The following TSPAN13 variants were observed in gnomAD, a reference collection of about 807,000 sequenced individuals.
TSPAN13 encodes tetraspanin-13.
Under a neutral mutation model 26.9 loss-of-function variants are expected in TSPAN13, and 18 were observed. That is an observed-to-expected ratio of 0.67 (90% CI 0.46 to 0.99). TSPAN13 has a LOEUF of 0.99. Ranked by LOEUF, TSPAN13 falls within the 50% of genes least tolerant of loss-of-function variation. TSPAN13 has a pLI of 0.00. For synonymous variants in TSPAN13, 116 were observed against 98.4 expected, an observed-to-expected ratio of 1.18 and a Z score of -1.06; for missense variants, 201 against 249.6, an observed-to-expected ratio of 0.81 and a Z score of 1.31.
Position 16,776,261 on chromosome 7 carries a change from G to A in TSPAN13, c.114G>A (p.Gly38=), listed in dbSNP as rs1294937856. 2 of 1,613,930 alleles carry A rather than the reference G, an allele frequency of 1.2e-6. No individual in the cohort carries two copies. The highest frequency in any genetic ancestry group is 8.5e-7 in the Non-Finnish European group (1 of 1,179,988). ...TTGCTGCGTGGGGCATTGGCTTCGG[G>A]CTGATTTCCAGTCTCCGAGTGGTCG... The part of the protein sequence containing the change: ...IGIAAWGIGF[G]LISSLRVVGV... Residue 38 remains glycine (G), a synonymous_variant, in exon 2 of 6, where the codon GGG becomes GGA. Coordinates refer to ENST00000262067, the MANE Select transcript of TSPAN13 (RefSeq NM_014399.4).
chr7:16,757,945 T>C (rs919615743), intron 1 of TSPAN13, among the ~76,000 whole-genome samples: 1 of 152,182 alleles, frequency 6.6e-6, no homozygotes, highest in African/African-American at 2.4e-5. Flanking sequence ...GCGATTCTCC[T>C]GCCTCAGCCT....
At chr7:16,782,673 A>G (rs1784826471) in intron 5 of TSPAN13, among the ~76,000 whole-genome samples, 1 of 152,134 alleles carries the variant, frequency 6.6e-6, no homozygotes, top group South Asian at 2.1e-4. Context: ...AACATTTTAA[A>G]TTTCTGTGTT....
chr7:16,760,485 C>T (rs1784531314), intron 1 of TSPAN13, among the ~76,000 whole-genome samples: 1 of 152,118 alleles, frequency 6.6e-6, no homozygotes, highest in African/African-American at 2.4e-5. Context: ...GCAGGTGGAG[C>T]AGACTTTGGG....
chr7:16,776,957 C>T lies in TSPAN13; in HGVS notation c.232-85C>T, dbSNP rs752999721. 463 of 807,134 alleles carry T rather than the reference C, an allele frequency of 5.7e-4. 1 individual carries two copies. The highest frequency in any genetic ancestry group is 6.5e-4 in the Non-Finnish European group (325 of 497,794). The allele number at this position is 807,134 out of a possible 1,614,324, so 50.0% of individuals were successfully genotyped here. A position where few individuals can be genotyped will look rare whatever the true frequency, so the allele number is the denominator to read the frequency against. ...TATTCTGGGTTAATTACTTCTTGTGCATTCTAAAGTTGTCAGTACCTCTGT... is the reference window on the plus strand; with the variant it reads ...TATTCTGGGTTAATTACTTCTTGTGTATTCTAAAGTTGTCAGTACCTCTGT... On this transcript the variant is annotated intron_variant, in intron 2 of 5. Transcript: ENST00000262067.
intron 1 of TSPAN13, 103 bp from the exon 2 acceptor site, chr7:16,776,108 G>T (rs563856498): frequency 9.1e-7 from 1 of 1,096,382 alleles, no homozygotes; most frequent in Non-Finnish European, 1.3e-6. Flanking sequence ...AAGAGACTAC[G>T]TAGGTGCCTG....
chr7:16,766,033 T>C (rs1056967267), intron 1 of TSPAN13, among the ~76,000 whole-genome samples: 2 of 152,238 alleles, frequency 1.3e-5, no homozygotes, highest in African/African-American at 4.8e-5. Context: ...ATTGTTTTAC[T>C]ATTATCTTTA....
At chr7:16,762,771 C>T (rs1276476268) in intron 1 of TSPAN13, among the ~76,000 whole-genome samples, 2 of 152,114 alleles carry the variant, frequency 1.3e-5, no homozygotes, top group African/African-American at 4.8e-5. Context: ...CTTGGCATGC[C>T]ACCAAATTAC....
chr7:16,753,817 G>T lies in TSPAN13; in HGVS notation c.-151G>T. 2 of 709,998 alleles carry T rather than the reference G, an allele frequency of 2.8e-6. No homozygotes were observed. Among genetic ancestry groups the T allele is most frequent in the Non-Finnish European group, 2.2e-6 (1 of 447,656 alleles). The allele number at this position is 709,998 out of a possible 1,614,324, so 44.0% of individuals were successfully genotyped here. A position where few individuals can be genotyped will look rare whatever the true frequency, so the allele number is the denominator to read the frequency against. On this transcript the variant is annotated 5_prime_UTR_variant, in exon 1 of 6. Transcript: ENST00000262067. ...TCCGAGCCGCCGCCGCGCGCGCGCC[G>T]CGCACTGCAGCCCCAGGCCCCGGCC...
chr7:16,781,432 G>A (rs1301648453), intron 5 of TSPAN13, among the ~76,000 whole-genome samples: 1 of 152,200 alleles, frequency 6.6e-6, no homozygotes, highest in Non-Finnish European at 1.5e-5. Context: ...TCTAATCAAA[G>A]TTACCTTTGA....
At chr7:16,769,316 C>A (rs557075938) in intron 1 of TSPAN13, among the ~76,000 whole-genome samples, 1 of 152,294 alleles carries the variant, frequency 6.6e-6, no homozygotes, top group East Asian at 1.9e-4. Context: ...GAACCACTGA[C>A]AGGACTGATT....
At chr7:16,763,937 G>A (rs1213279885) in intron 1 of TSPAN13, among the ~76,000 whole-genome samples, 1 of 152,198 alleles carries the variant, frequency 6.6e-6, no homozygotes, top group Non-Finnish European at 1.5e-5. Context: ...TCATCTGCAA[G>A]TCTTAGTGTA....
chr7:16,776,289 G>A lies in TSPAN13; in HGVS notation c.142G>A (p.Val48Met), dbSNP rs1375270134. Residue 48 changes from valine to methionine, a missense_variant, in exon 2 of 6, where the codon GTG becomes ATG. By Grantham distance (21) the Val-to-Met change is conservative (BLOSUM62 1). Coordinates refer to ENST00000262067, the MANE Select transcript of TSPAN13 (RefSeq NM_014399.4). ...GLISSLRVVG[V>M]VIAVGIFLFL... Reference sequence around the variant, plus strand: ...GATTTCCAGTCTCCGAGTGGTCGGCGTGGTCATTGCAGTGGGCATCTTCTT... The same window carrying A: ...GATTTCCAGTCTCCGAGTGGTCGGCATGGTCATTGCAGTGGGCATCTTCTT... The A allele has an allele frequency of 1.2e-6, 2 of 1,614,120 alleles. No individual in the cohort carries two copies. The highest frequency in any genetic ancestry group is 1.3e-5 in the African/African-American group (1 of 75,016).
At chr7:16,758,701 G>A (rs1159666015) in intron 1 of TSPAN13, among the ~76,000 whole-genome samples, 1 of 151,848 alleles carries the variant, frequency 6.6e-6, no homozygotes, top group African/African-American at 2.4e-5. Context: ...ATATTAAGTA[G>A]GAATTACTTT....
intron 1 of TSPAN13, among the ~76,000 whole-genome samples, chr7:16,762,859 G>GT (rs2115324526): frequency 6.6e-6 from 1 of 152,166 alleles, no homozygotes; most frequent in South Asian, 2.1e-4. Context: ...GTAAAGCCTT[G>GT]TCTTTTGGGG....
rs567827117 is a variant in TSPAN13 at position 16,784,157 on chromosome 7, T to G, written c.*666T>G. 6.5e-6 allele frequency: 1 copy of G among 152,732 alleles called. No homozygotes were observed. Among genetic ancestry groups the G allele is most frequent in the Non-Finnish European group, 1.5e-5 (1 of 68,012 alleles). 9.5% of individuals were successfully genotyped at this position (152,732 alleles called of 1,614,324 possible). Reference sequence around the variant, plus strand: ...TGAAATGTTCTAATGTATAATAACATTTACCTTCAGCCTCCATCAGAATGG... The same window carrying G: ...TGAAATGTTCTAATGTATAATAACAGTTACCTTCAGCCTCCATCAGAATGG... On this transcript the variant is annotated 3_prime_UTR_variant, in exon 6 of 6. Transcript: ENST00000262067.
chr7:16,778,784 TC>T (rs1784782604), intron 4 of TSPAN13, among the ~76,000 whole-genome samples: 1 of 152,102 alleles, frequency 6.6e-6, no homozygotes, highest in Non-Finnish European at 1.5e-5. Context: ...ATTCACAAGT[TC>T]CACGCATACT....
At chr7:16,770,335 A>G (rs1321225092) in intron 1 of TSPAN13, among the ~76,000 whole-genome samples, 1 of 151,940 alleles carries the variant, frequency 6.6e-6, no homozygotes, top group African/African-American at 2.4e-5. Flanking sequence ...CCTCCCAAGT[A>G]GCTGGGATTA....
intron 1 of TSPAN13, among the ~76,000 whole-genome samples, chr7:16,775,530 T>C (rs1484303532): frequency 6.6e-6 from 1 of 152,234 alleles, no homozygotes; most frequent in African/African-American, 2.4e-5. Context: ...TTTAAAGCAG[T>C]TAATTTCAGC....
intron 1 of TSPAN13, among the ~76,000 whole-genome samples, chr7:16,760,824 A>G (rs1045477321): frequency 7.2e-5 from 11 of 152,028 alleles, no homozygotes; most frequent in Non-Finnish European, 1.5e-5. Context: ...CGAATTTGTC[A>G]GTGAAGAAGT....
Sources: allele counts gnomAD v4.1 joint callset (sites outside exome capture counted in the v4.1 genomes callset), GRCh38; gene constraint gnomAD v4.1.1; transcripts MANE v1.5; gene names NCBI Gene and HGNC (gene_info 2026-07-23, HGNC 2026-07-21).